SYCP2L: variants seen among roughly 807,000 people sequenced by gnomAD.
SYCP2L encodes synaptonemal complex protein 2-like.
In SYCP2L, 98 loss-of-function variants were observed where a neutral mutation model predicts 125.8. That is an observed-to-expected ratio of 0.78 (90% confidence interval 0.66 to 0.92). The LOEUF (loss-of-function observed/expected upper bound fraction) is 0.92, where lower values mean the gene tolerates loss of function less well. Among genes scored for constraint, SYCP2L ranks in the 40% least tolerant of loss-of-function variants. The pLI, the probability that SYCP2L is intolerant of heterozygous loss-of-function variation, is 0.00. For synonymous variants in SYCP2L, 317 were observed against 325.4 expected, an observed-to-expected ratio of 0.97 and a Z score of 0.28; for missense variants, 842 against 936.4, an observed-to-expected ratio of 0.90 and a Z score of 1.32.
chr6:10,902,651 T>A (rs745357943), intron 6 of SYCP2L, 26 bp from the exon 7 acceptor site: 1 of 1,594,570 alleles, frequency 6.3e-7, no homozygotes, highest in East Asian at 2.2e-5. Context: ...AAACATAAAT[T>A]TGATGCTTTG....
chr6:10,928,150 A>C (rs548972575), intron 17 of SYCP2L, among the ~76,000 whole-genome samples: 3 of 151,598 alleles, frequency 2.0e-5, no homozygotes, highest in Admixed American at 1.3e-4. Flanking sequence ...GGTGACATAC[A>C]TCCTCCTCAG....
chr6:10,914,414 G>C (rs1172970306), intron 14 of SYCP2L, among the ~76,000 whole-genome samples: 1 of 152,282 alleles, frequency 6.6e-6, no homozygotes, highest in East Asian at 1.9e-4. Flanking sequence ...TGGCCTTGTA[G>C]TATAGTTTGA....
Position 10,912,262 on chromosome 6 carries a change from A to G in SYCP2L, c.919-411A>G, listed in dbSNP as rs113881742. ...GTCTTCAAGTCTTAGCTGTACTCTA[A>G]TGGTTGGAAGATAGATGGCAAATCA... On this transcript the variant is annotated intron_variant, in intron 12 of 29. Coordinates refer to ENST00000283141, the MANE Select transcript of SYCP2L (RefSeq NM_001040274.3). This position sits in a 1 kb window ranked among gnomAD's most constrained non-coding sequence, Gnocchi z 4.1. 2.3e-3 allele frequency among the ~76,000 whole-genome samples: 355 copies of G among 152,254 alleles called. 3 individuals carry two copies. Among genetic ancestry groups the G allele is most frequent in the African/African-American group, 8.0e-3 (333 of 41,554 alleles).
At chr6:10,928,564 A>G in intron 18 of SYCP2L, 114 bp downstream of exon 18, 1 of 1,376,364 alleles carries the variant, frequency 7.3e-7, no homozygotes, top group Non-Finnish European at 9.4e-7. Flanking sequence ...CCATCTGTCA[A>G]TTTAAAAAAA....
intron 4 of SYCP2L, among the ~76,000 whole-genome samples, chr6:10,895,980 C>T (rs549306398): frequency 6.6e-6 from 1 of 152,236 alleles, no homozygotes; most frequent in South Asian, 2.1e-4. Context: ...TGGTGAAACC[C>T]TGTCTCTATT....
Position 10,961,367 on chromosome 6 carries a change from A to C in SYCP2L, c.2318A>C (p.Asp773Ala). ...CAAGAGTTGAGCAGTCTTAAGCAGG[A>C]TATTCAGGCCCTGGAACACCTTGAG... The part of the protein sequence containing the change: ...VLQELSSLKQ[D>A]IQALEHLEKE... The change falls in exon 27 of 30, where the codon GAT becomes GCT. Residue 773 changes from aspartate to alanine, a missense_variant. By Grantham distance (126) the Asp-to-Ala change is moderately radical. Coordinates refer to ENST00000283141, the MANE Select transcript of SYCP2L (RefSeq NM_001040274.3). The C allele has an allele frequency of 6.2e-7, 1 of 1,614,182 alleles. No individual in the cohort carries two copies. Among genetic ancestry groups the C allele is most frequent in the Non-Finnish European group, 8.5e-7 (1 of 1,180,024 alleles).
intron 4 of SYCP2L, among the ~76,000 whole-genome samples, chr6:10,896,469 A>G (rs985451886): frequency 1.3e-5 from 2 of 152,200 alleles, no homozygotes; most frequent in African/African-American, 4.8e-5. Flanking sequence ...TTGGAGGGAT[A>G]GATGGAGTGG....
In SYCP2L at chr6:10,912,806, G is replaced by C. The variant is rs779643423; in HGVS notation, c.1011+41G>C. On this transcript the variant is annotated intron_variant, in intron 13 of 29. Coordinates refer to ENST00000283141, the MANE Select transcript of SYCP2L (RefSeq NM_001040274.3). This position sits in a 1 kb window ranked among gnomAD's most constrained non-coding sequence, Gnocchi z 4.1. Reference sequence around the variant, plus strand: ...TCTTGGTTAGAACTAAGCCTTTAGAGATCTTTTTTATGTAAGTATGTGTTT... The same window carrying C: ...TCTTGGTTAGAACTAAGCCTTTAGACATCTTTTTTATGTAAGTATGTGTTT... 1 of 1,608,924 alleles carries C rather than the reference G, an allele frequency of 6.2e-7. No homozygotes were observed. The highest frequency in any genetic ancestry group is 1.1e-5 in the South Asian group (1 of 90,784).
chr6:10,903,126 C>T (rs949190532), intron 8 of SYCP2L, among the ~76,000 whole-genome samples, 163 bp downstream of exon 8: 12 of 152,162 alleles, frequency 7.9e-5, no homozygotes, highest in South Asian at 6.2e-4. Flanking sequence ...GTGATAAAGA[C>T]GGGCTGAGGT....
rs781308578 is a variant in SYCP2L at position 10,910,216 on chromosome 6, G to A, written c.872+16G>A. 5 of 1,610,018 alleles carry A rather than the reference G, an allele frequency of 3.1e-6. No individual in the cohort carries two copies. The highest frequency in any genetic ancestry group is 4.2e-6 in the Non-Finnish European group (5 of 1,176,696). On this transcript the variant is annotated intron_variant, in intron 11 of 29. Coordinates refer to ENST00000283141, the MANE Select transcript of SYCP2L (RefSeq NM_001040274.3). ...ACCAAAGAAGGTAAGTTGTGTCTCT[G>A]AGCATTATTGACTAGTTGTATTCTG...
Position 10,927,287 on chromosome 6 carries a change from G to A in SYCP2L, c.1360G>A (p.Asp454Asn), listed in dbSNP as rs764259739. The A allele has an allele frequency of 3.1e-6, 5 of 1,614,192 alleles. No homozygotes were observed. The South Asian group carries it at 5.5e-5, about 18-fold the overall frequency. Residue 454 changes from aspartate (D) to asparagine (N), a missense_variant, in exon 17 of 30, where the codon GAT becomes AAT. Transcript: ENST00000283141. ...TNMVEFMSAE[D>N]DRCLITLHLN... is the part of the protein sequence containing the mutation. ...CATGGTGGAGTTTATGAGTGCTGAA[G>A]ATGACCGCTGCCTAATAACTCTCCA...
At chr6:10,932,334 C>A (rs1475112524) in intron 20 of SYCP2L, among the ~76,000 whole-genome samples, 1 of 152,088 alleles carries the variant, frequency 6.6e-6, no homozygotes, top group Admixed American at 6.5e-5. Context: ...CCAACTTTTG[C>A]CGTTTATTCA....
At chr6:10,909,061 A>G (rs1237046073) in intron 10 of SYCP2L, among the ~76,000 whole-genome samples, 2 of 150,796 alleles carry the variant, frequency 1.3e-5, no homozygotes, top group African/African-American at 4.9e-5. Flanking sequence ...GAGAAATGTA[A>G]TTATCTTGTT....
chr6:10,913,078 G>A (rs1780636777), intron 14 of SYCP2L, 151 bp downstream of exon 14: 1 of 639,228 alleles, frequency 1.6e-6, no homozygotes, highest in African/African-American at 1.9e-5. Context: ...GCTGTCACAG[G>A]TTTGTGACTT....
At chr6:10,961,876 C>G (rs1430734061) in intron 28 of SYCP2L, among the ~76,000 whole-genome samples, 3 of 152,024 alleles carry the variant, frequency 2.0e-5, no homozygotes, top group Non-Finnish European at 4.4e-5. Flanking sequence ...TCTAAGTAAA[C>G]AGTTTTCAGT....
chr6:10,896,031 G>A (rs1476605012), intron 4 of SYCP2L, among the ~76,000 whole-genome samples: 1 of 152,138 alleles, frequency 6.6e-6, no homozygotes, highest in Non-Finnish European at 1.5e-5. Context: ...GCACATGCCT[G>A]TAATCCCAGC....
At chr6:10,891,659 G>T (rs12523744) in intron 2 of SYCP2L, 78 bp downstream of exon 2, 1 of 690,106 alleles carries the variant, frequency 1.4e-6, no homozygotes, top group Non-Finnish European at 2.3e-6. Flanking sequence ...GTGTGTGTGT[G>T]TGTGTATGTG....
chr6:10,918,769 C>CAA (rs1384724649), intron 14 of SYCP2L, among the ~76,000 whole-genome samples: 5 of 152,054 alleles, frequency 3.3e-5, no homozygotes, highest in Admixed American at 6.5e-5. Flanking sequence ...CTCCTGACCT[C>CAA]GTGATCCGCC....
At chr6:10,926,315 G>A (rs1780896006) in intron 15 of SYCP2L, 24 bp from the exon 16 acceptor site, 1 of 1,549,636 alleles carries the variant, frequency 6.5e-7, no homozygotes, top group South Asian at 1.2e-5. Flanking sequence ...ACATTTCAAA[G>A]TTGACCTTTG....
Sources: allele counts gnomAD v4.1 joint callset (sites outside exome capture counted in the v4.1 genomes callset), GRCh38; gene constraint gnomAD v4.1.1; non-coding constraint Gnocchi (gnomAD v3.1); transcripts MANE v1.5; gene names NCBI Gene and HGNC (gene_info 2026-07-23, HGNC 2026-07-21).